Variants in BICD1 observed in about 807,000 individuals in gnomAD.
BICD1 encodes the protein protein bicaudal D homolog 1.
Under a neutral mutation model 92.5 loss-of-function variants are expected in BICD1, and 35 were observed. The observed-to-expected ratio is 0.38, with a 90% CI of 0.29 to 0.50. The LOEUF (loss-of-function observed/expected upper bound fraction) is 0.50, where lower values mean the gene tolerates loss of function less well. Ranked by LOEUF, BICD1 falls within the 20% of genes least tolerant of loss-of-function variation. The pLI is 0.93. For synonymous variants in BICD1, 429 were observed against 465.1 expected (o/e 0.92, Z 1.00); for missense variants, 950 against 1,189.8 (o/e 0.80, Z 2.97).
chr12:32,299,772 A>G (rs973264335), intron 3 of BICD1, among the ~76,000 whole-genome samples: 3 of 152,212 alleles, frequency 2.0e-5, no homozygotes, highest in Admixed American at 2.0e-4. Flanking sequence ...TGATTGTGCC[A>G]CTGGACTCCT....
At chr12:32,339,583 T>C (rs1938279347) in intron 8 of BICD1, 1 of 985,456 alleles carries the variant, frequency 1.0e-6, no homozygotes, top group East Asian at 1.1e-4. Flanking sequence ...CATTTTTCTT[T>C]CTTCCTTCCT....
intron 4 of BICD1, among the ~76,000 whole-genome samples, chr12:32,325,300 T>C (rs1006780657): frequency 2.6e-5 from 4 of 152,234 alleles, no homozygotes; most frequent in African/African-American, 9.6e-5. Context: ...GTGAACTGAA[T>C]AACAGATACG....
At chr12:32,142,432 CAAAAA>C (rs1305439204) in intron 1 of BICD1, among the ~76,000 whole-genome samples, 1 of 49,412 alleles carries the variant, frequency 2.0e-5, no homozygotes, top group Non-Finnish European at 3.9e-5. Flanking sequence ...AAAAAAAAAA[CAAAAA>C]ACCCCACCTA....
chr12:32,166,172 G>C (rs1334878886), intron 1 of BICD1, among the ~76,000 whole-genome samples: 1 of 140,168 alleles, frequency 7.1e-6, no homozygotes, highest in East Asian at 2.1e-4. Context: ...GTTTCGTTCT[G>C]TCACCCAGGC....
chr12:32,168,664 G>A (rs542619112), intron 1 of BICD1, among the ~76,000 whole-genome samples: 2 of 152,214 alleles, frequency 1.3e-5, no homozygotes, highest in Non-Finnish European at 2.9e-5. Context: ...CGGGTCCACT[G>A]TGTATCCAAA....
At chr12:32,196,283 C>A (rs1944725066) in intron 1 of BICD1, among the ~76,000 whole-genome samples, 1 of 152,112 alleles carries the variant, frequency 6.6e-6, no homozygotes, top group Non-Finnish European at 1.5e-5. Context: ...TCCAGCCATC[C>A]CACTTCTGGG....
intron 2 of BICD1, among the ~76,000 whole-genome samples, chr12:32,280,319 A>G (rs1947381462): frequency 6.6e-6 from 1 of 152,220 alleles, no homozygotes; most frequent in Non-Finnish European, 1.5e-5. Context: ...AAGACAATGA[A>G]GACCCAAAGA....
chr12:32,254,318 G>A (rs1946660820), intron 2 of BICD1, among the ~76,000 whole-genome samples: 1 of 150,558 alleles, frequency 6.6e-6, no homozygotes, highest in African/African-American at 2.5e-5. Context: ...CATATTCACT[G>A]GCAGATCCCA....
At chr12:32,177,218 G>A (rs1473682521) in intron 1 of BICD1, among the ~76,000 whole-genome samples, 8 of 151,506 alleles carry the variant, frequency 5.3e-5, no homozygotes, top group Non-Finnish European at 8.8e-5. Flanking sequence ...GGGAGGCTGA[G>A]GCATAAGAAT....
intron 2 of BICD1, among the ~76,000 whole-genome samples, chr12:32,221,087 A>C (rs1174244591): frequency 9.4e-6 from 1 of 105,976 alleles, no homozygotes; most frequent in Non-Finnish European, 1.8e-5. Context: ...CACTCTGGGG[A>C]CTGTTGTGGG....
chr12:32,203,618 G>A (rs1944968527), intron 1 of BICD1, among the ~76,000 whole-genome samples: 1 of 152,208 alleles, frequency 6.6e-6, no homozygotes, highest in Non-Finnish European at 1.5e-5. Flanking sequence ...AGGGTTGCCA[G>A]GTGAAGGTTG....
intron 2 of BICD1, among the ~76,000 whole-genome samples, chr12:32,239,423 G>A (rs544148445): frequency 5.3e-5 from 8 of 149,840 alleles, no homozygotes; most frequent in Non-Finnish European, 7.4e-5. Context: ...AAAATGAGCC[G>A]GGCGTGGTGG....
chr12:32,244,968 A>T (rs1364875265), intron 2 of BICD1, among the ~76,000 whole-genome samples: 1 of 152,122 alleles, frequency 6.6e-6, no homozygotes, highest in Non-Finnish European at 1.5e-5. Context: ...TCTGAACCAT[A>T]TAATATGATG....
chr12:32,132,536 G>C (rs1265273331), intron 1 of BICD1, among the ~76,000 whole-genome samples: 1 of 152,112 alleles, frequency 6.6e-6, no homozygotes, highest in African/African-American at 2.4e-5. Context: ...CTGTGGGACT[G>C]TGTGGCTCAA....
At chr12:32,369,611 G>A (rs761841695) in intron 9 of BICD1, among the ~76,000 whole-genome samples, 1 of 152,250 alleles carries the variant, frequency 6.6e-6, no homozygotes, top group Non-Finnish European at 1.5e-5. Flanking sequence ...TACATTATTG[G>A]CCAGGTGTGG....
intron 9 of BICD1, among the ~76,000 whole-genome samples, chr12:32,375,939 T>C (rs1420085745): frequency 6.6e-6 from 1 of 152,230 alleles, no homozygotes; most frequent in Non-Finnish European, 1.5e-5. Flanking sequence ...AGCCTTGAAT[T>C]GTTCTCTCAA....
rs149157967 is a variant in BICD1, at chr12:32,120,299, A to G, written c.213+12755A>G. Among the ~76,000 whole-genome samples the G allele has an allele frequency of 2.6e-5, 4 of 152,316 alleles. No individual in the cohort carries two copies. In the East Asian group the frequency reaches 7.7e-4, roughly 29 times the overall value. The stretch of plus-strand genomic sequence containing the variant: ...AAAAAGCACTACTCTCAAATGTAAT[A>G]TTTAACTGCTGTGTTTCTATCTTTA... On this transcript the variant is annotated intron_variant, in intron 1 of 9. Coordinates refer to ENST00000652176, the MANE Select transcript of BICD1 (RefSeq NM_001714.4).
intron 1 of BICD1, among the ~76,000 whole-genome samples, chr12:32,198,323 C>CATATAT (rs765984931): frequency 0.014 from 1,223 of 87,874 alleles, 102 homozygotes; most frequent in African/African-American, 0.023. Flanking sequence ...GAATAATATG[C>CATATAT]ATCTATCTAT....
chr12:32,334,107 C>T (rs890098578), intron 5 of BICD1, among the ~76,000 whole-genome samples: 4 of 152,084 alleles, frequency 2.6e-5, no homozygotes, highest in African/African-American at 4.8e-5. Flanking sequence ...CTAACATATT[C>T]CAATTTGATT....
Sources: gnomAD v4.1 joint callset for allele counts (sites outside exome capture counted in the v4.1 genomes callset) on GRCh38, gnomAD v4.1.1 for gene constraint, MANE v1.5 for transcripts, NCBI Gene and HGNC (gene_info 2026-07-23, HGNC 2026-07-21) for gene names.